The following DUSP22 variants were observed in gnomAD, a reference collection of about 807,000 sequenced individuals.
The protein encoded by DUSP22 is dual specificity phosphatase 22, also known as dual specificity protein phosphatase 22.
DUSP22 carries 24 observed loss-of-function variants against 24.5 expected under a neutral mutation model. That is an observed-to-expected ratio of 0.98 (90% CI 0.71 to 1.38). The LOEUF (loss-of-function observed/expected upper bound fraction) is 1.38, where lower values mean the gene tolerates loss of function less well. DUSP22 is among the 40% of genes most tolerant of loss of function. The pLI is 0.00. For synonymous variants in DUSP22, 160 were observed against 106.4 expected, an observed-to-expected ratio of 1.50 and a Z score of -3.10; for missense variants, 330 against 269.2, an observed-to-expected ratio of 1.23 and a Z score of -1.58.
rs752046172 is a variant in DUSP22 at position 348,812 on chromosome 6, A to G, written c.479A>G (p.Gln160Arg). 1 of 1,614,308 alleles carries G rather than the reference A, an allele frequency of 6.2e-7. No homozygotes were observed. The highest frequency in any genetic ancestry group is 1.1e-5 in the South Asian group (1 of 91,092). ...GAAGAATATGGAGAGAGCCCTTTGC[A>G]GGATGCAGAAGAAGCCAAAAACATT... ...LKEEYGESPLQDAEEAKNILG... is the reference protein window; with the variant it reads ...LKEEYGESPLRDAEEAKNILG... Residue 160 changes from glutamine (Q) to arginine (R), a missense_variant, in exon 7 of 7, where the codon CAG (glutamine) becomes CGG (arginine). Physicochemically the swap from Gln to Arg is conservative, Grantham distance 43 (BLOSUM62 1). Transcript: ENST00000419235.
chr6:298,950 TATGAG>T (rs1228139320), intron 1 of DUSP22, among the ~76,000 whole-genome samples: 1 of 152,308 alleles, frequency 6.6e-6, no homozygotes, highest in Non-Finnish European at 1.5e-5. Flanking sequence ...AACAAGGCGA[TATGAG>T]AGAGAGAGTG....
intron 4 of DUSP22, chr6:336,944 C>T (rs532330507): frequency 2.0e-5 from 3 of 152,536 alleles, no homozygotes; most frequent in South Asian, 4.1e-4. Flanking sequence ...TTGCTTTGCT[C>T]TTATCTCAAA....
intron 3 of DUSP22, among the ~76,000 whole-genome samples, chr6:324,793 A>G (rs964972131): frequency 2.0e-4 from 31 of 152,276 alleles, no homozygotes; most frequent in African/African-American, 4.6e-4. Flanking sequence ...GATTGTGTCC[A>G]AGCCTGAAGA....
At chr6:292,640 C>T in intron 1 of DUSP22, 80 bp downstream of exon 1, 9 of 1,536,164 alleles carry the variant, frequency 5.9e-6, no homozygotes, top group Non-Finnish European at 7.0e-6. Context: ...TGCCCGACGA[C>T]TCGAGCCCGG....
At chr6:308,713 T>A (rs2260623) in intron 2 of DUSP22, among the ~76,000 whole-genome samples, 6 of 152,424 alleles carry the variant, frequency 3.9e-5, no homozygotes, top group African/African-American at 4.8e-5. Context: ...ATATTGTGGC[T>A]ATTGTGCAGC....
At chr6:301,030 A>G (rs1314381577) in intron 1 of DUSP22, among the ~76,000 whole-genome samples, 1 of 152,304 alleles carries the variant, frequency 6.6e-6, no homozygotes, top group Non-Finnish European at 1.5e-5. Flanking sequence ...CTATCCCTGC[A>G]GCCGGCGTGC....
At chr6:331,262 G>A (rs1053841325) in intron 3 of DUSP22, among the ~76,000 whole-genome samples, 3 of 152,304 alleles carry the variant, frequency 2.0e-5, no homozygotes, top group Admixed American at 6.5e-5. Flanking sequence ...TATTTATTTA[G>A]TGAGACTTTT....
At chr6:336,669 T>G (rs949847425) in intron 4 of DUSP22, among the ~76,000 whole-genome samples, 3 of 152,308 alleles carry the variant, frequency 2.0e-5, no homozygotes, top group Non-Finnish European at 2.9e-5. Context: ...GGGGCTGTGT[T>G]TCCACATGCA....
chr6:315,359 T>C (rs544413083), intron 3 of DUSP22, among the ~76,000 whole-genome samples: 334 of 152,302 alleles, frequency 2.2e-3, no homozygotes, highest in African/African-American at 7.8e-3. Flanking sequence ...AACTCTATCA[T>C]TGGGTGGACA....
At chr6:347,539 C>G (rs368600951) in intron 5 of DUSP22, among the ~76,000 whole-genome samples, 395 of 152,304 alleles carry the variant, frequency 2.6e-3, no homozygotes, top group Middle Eastern at 0.014. Flanking sequence ...GGGTGCCTTG[C>G]TCCCACCCTG....
At position 350,709 on chromosome 6, in the gene DUSP22, G is replaced by T; in HGVS notation, c.*1758G>T. On this transcript the variant is annotated 3_prime_UTR_variant, in exon 7 of 7. Transcript: ENST00000419235. ...AATACGTTAACAGAAAAATGATTTA[G>T]GATATAGCTTGAATGCTTAAATATG... The T allele has an allele frequency of 6.3e-7, 1 of 1,598,810 alleles. No homozygotes were observed. The highest frequency in any genetic ancestry group is 1.1e-5 in the South Asian group (1 of 88,044).
chr6:332,810 G>T (rs1016511100), intron 3 of DUSP22, among the ~76,000 whole-genome samples: 1 of 152,298 alleles, frequency 6.6e-6, no homozygotes, highest in Non-Finnish European at 1.5e-5. Flanking sequence ...GCACTAGAAG[G>T]GAAGGTGGGA....
At chr6:331,694 G>A (rs939165303) in intron 3 of DUSP22, among the ~76,000 whole-genome samples, 3 of 152,298 alleles carry the variant, frequency 2.0e-5, no homozygotes, top group Non-Finnish European at 4.4e-5. Flanking sequence ...GTCATGAATT[G>A]TACACATGTG....
intron 4 of DUSP22, among the ~76,000 whole-genome samples, chr6:338,935 C>T (rs901188391): frequency 1.3e-5 from 2 of 152,310 alleles, no homozygotes; most frequent in Non-Finnish European, 2.9e-5. Context: ...GTCTTGGCCT[C>T]TATCCTCTCA....
intron 1 of DUSP22, among the ~76,000 whole-genome samples, chr6:299,881 C>G (rs1175917672): frequency 6.6e-6 from 1 of 152,306 alleles, no homozygotes; most frequent in Admixed American, 6.5e-5. Context: ...TGGCACAGCT[C>G]GTATCAGGCT....
intron 2 of DUSP22, among the ~76,000 whole-genome samples, chr6:309,356 G>A (rs1191435932): frequency 6.6e-6 from 1 of 152,302 alleles, no homozygotes. Context: ...GTCAAAAGAT[G>A]AGCCAGTCAG....
chr6:311,797 G>T (rs1384469311), intron 2 of DUSP22, 83 bp from the exon 3 acceptor site: 42 of 1,159,244 alleles, frequency 3.6e-5, no homozygotes, highest in Middle Eastern at 2.2e-4. Context: ...CATTTTGTGG[G>T]TTTTTTTTTT....
chr6:296,060 C>T (rs796668050), intron 1 of DUSP22, among the ~76,000 whole-genome samples: 1 of 122,852 alleles, frequency 8.1e-6, no homozygotes, highest in African/African-American at 2.5e-5. Context: ...TTTTAAAATT[C>T]CTAAAAAGTA....
chr6:329,666 C>T (rs181650723), intron 3 of DUSP22, among the ~76,000 whole-genome samples: 102 of 152,394 alleles, frequency 6.7e-4, no homozygotes, highest in African/African-American at 2.3e-3. Flanking sequence ...GTTGGCCAGG[C>T]TGGTCTCGAA....
Sources: gnomAD v4.1 joint callset for allele counts (sites outside exome capture counted in the v4.1 genomes callset) on GRCh38, gnomAD v4.1.1 for gene constraint, MANE v1.5 for transcripts, NCBI Gene and HGNC (gene_info 2026-07-23, HGNC 2026-07-21) for gene names.